Variants in USP6 observed in about 807,000 individuals in gnomAD.
USP6 encodes the protein ubiquitin carboxyl-terminal hydrolase 6.
USP6 carries 128 observed loss-of-function variants against 175.7 expected under a neutral mutation model. The observed-to-expected ratio is 0.73, with a 90% CI of 0.63 to 0.84. The LOEUF (loss-of-function observed/expected upper bound fraction) is 0.84, where lower values mean the gene tolerates loss of function less well. USP6 is among the 40% of genes least tolerant of loss of function. The probability of loss-of-function intolerance (pLI) is 0.00; values close to 1 mark genes in which losing one functional copy is unlikely to be tolerated. For synonymous variants in USP6, 562 were observed against 630.6 expected, an observed-to-expected ratio of 0.89 and a Z score of 1.63; for missense variants, 1,498 against 1,760.3, an observed-to-expected ratio of 0.85 and a Z score of 2.67.
At chr17:5,154,720 T>TTC (rs887791536) in intron 30 of USP6, among the ~76,000 whole-genome samples, 2 of 108,298 alleles carry the variant, frequency 1.8e-5, no homozygotes, top group African/African-American at 5.5e-5. Flanking sequence ...TCTTTTTTTT[T>TTC]TTCCCCCCAC....
At chr17:5,123,900 C>G (rs555902764) in intron 4 of USP6, among the ~76,000 whole-genome samples, 1 of 148,520 alleles carries the variant, frequency 6.7e-6, no homozygotes, top group East Asian at 2.0e-4. Flanking sequence ...CAAGCACGCA[C>G]GTGCGCACAC....
chr17:5,164,431 A>C (rs563977788), intron 33 of USP6, among the ~76,000 whole-genome samples: 70 of 152,364 alleles, frequency 4.6e-4, no homozygotes, highest in African/African-American at 1.6e-3. Context: ...AGGAGGGAAA[A>C]TTTTACGAGT....
chr17:5,135,997 T>C (rs1296187704), intron 17 of USP6, 69 bp downstream of exon 17: 1 of 1,594,852 alleles, frequency 6.3e-7, no homozygotes, highest in African/African-American at 1.3e-5. Context: ...CCAGGTGATC[T>C]CGGCTTTCAG....
At chr17:5,161,173 G>T (rs1476089299) in intron 31 of USP6, among the ~76,000 whole-genome samples, 1 of 152,222 alleles carries the variant, frequency 6.6e-6, no homozygotes. Flanking sequence ...GTCATGGAAA[G>T]ATCTAATTAT....
chr17:5,157,601 T>C (rs1050117379), intron 31 of USP6, among the ~76,000 whole-genome samples: 1 of 152,022 alleles, frequency 6.6e-6, no homozygotes, highest in African/African-American at 2.4e-5. Flanking sequence ...ATGTGGAGTA[T>C]AGGGAAAGAG....
chr17:5,148,723 G>A lies in USP6; in HGVS notation c.2599G>A (p.Asp867Asn), dbSNP rs764710288. The change falls in exon 30 of 38, where the codon GAC becomes AAC. Residue 867 changes from aspartate (D) to asparagine (N), a missense_variant. Asp to Asn is a conservative substitution (Grantham distance 23, BLOSUM62 1). Transcript: ENST00000574788. Reference protein sequence around the residue: ...MVNGHMPSLPDSPFTGYIIAV... With the variant: ...MVNGHMPSLPNSPFTGYIIAV... The stretch of plus-strand genomic sequence containing the variant: ...TAATGGTCACATGCCATCTCTTCCT[G>A]ACAGCCCCTTTACAGGTTACATCAT... The A allele has an allele frequency of 2.5e-6, 4 of 1,613,706 alleles. No homozygotes were observed. Among genetic ancestry groups the A allele is most frequent in the African/African-American group, 1.3e-5 (1 of 74,886 alleles).
chr17:5,143,268 T>C lies in USP6; in HGVS notation c.1818+766T>C, dbSNP rs2073505289. ...TCTGGGAGGTGTACCCAACAGCTCA[T>C]TGAGAACGGGCCATGACGACAATGG... On this transcript the variant is annotated intron_variant, in intron 25 of 37. Transcript: ENST00000574788. 3.3e-5 allele frequency among the ~76,000 whole-genome samples: 5 copies of C among 152,092 alleles called. No individual in the cohort carries two copies. The South Asian group carries it at 8.3e-4, about 25-fold the overall frequency.
intron 33 of USP6, among the ~76,000 whole-genome samples, chr17:5,164,136 G>T (rs2074056631): frequency 6.6e-6 from 1 of 152,178 alleles, no homozygotes; most frequent in Non-Finnish European, 1.5e-5. Flanking sequence ...GCTCTTGATA[G>T]TTGGAAATTT....
chr17:5,127,375 G>A (rs1357121901), intron 6 of USP6, 129 bp from the exon 7 acceptor site: 1 of 152,244 alleles, frequency 6.6e-6, no homozygotes, highest in African/African-American at 2.4e-5. Context: ...TCCTCACCCC[G>A]AGGCTGCCTA....
intron 9 of USP6, 47 bp from the exon 10 acceptor site, chr17:5,130,320 C>A (rs756012109): frequency 6.2e-7 from 1 of 1,602,698 alleles, no homozygotes; most frequent in Non-Finnish European, 8.5e-7. Flanking sequence ...AGGTGTTCTC[C>A]GAAGCTGTCG....
intron 24 of USP6, 118 bp from the exon 25 acceptor site, chr17:5,142,279 A>T: frequency 1.9e-6 from 3 of 1,541,010 alleles, no homozygotes; most frequent in East Asian, 4.5e-5. Flanking sequence ...TAGGCCAAGG[A>T]ATACATCTCT....
At chr17:5,117,578 A>G (rs534231561) in intron 1 of USP6, among the ~76,000 whole-genome samples, 3 of 151,980 alleles carry the variant, frequency 2.0e-5, no homozygotes, top group Non-Finnish European at 4.4e-5. Flanking sequence ...GGGTCGCATC[A>G]GAATATATAT....
intron 29 of USP6, 67 bp from the exon 30 acceptor site, chr17:5,148,489 C>A (rs1183414167): frequency 6.4e-7 from 1 of 1,552,572 alleles, no homozygotes; most frequent in African/African-American, 1.4e-5. Context: ...CCTCAGGATA[C>A]TTGAGAAAAG....
At chr17:5,124,306 C>T (rs570179972) in intron 4 of USP6, among the ~76,000 whole-genome samples, 4 of 152,272 alleles carry the variant, frequency 2.6e-5, no homozygotes, top group East Asian at 3.9e-4. Flanking sequence ...GTACCACCCC[C>T]CACCCAACCA....
Position 5,139,996 on chromosome 17 carries a change from T to C in USP6, c.1498+322T>C, listed in dbSNP as rs540487161. ...AAGAAAGCGTGCAGCTTGAAAGACA[T>C]GCACAGATGGAACACACCAGCCCCC... On this transcript the variant is annotated intron_variant, in intron 22 of 37. Coordinates refer to ENST00000574788, the MANE Select transcript of USP6 (RefSeq NM_001304284.2). 1.8e-4 allele frequency among the ~76,000 whole-genome samples: 28 copies of C among 152,166 alleles called. 1 individual carries two copies. Among genetic ancestry groups the C allele is most frequent in the Admixed American group, 9.1e-4 (14 of 15,304 alleles).
chr17:5,125,672 GCACATGCACA>G (rs2072866676), intron 5 of USP6, 139 bp from the exon 6 acceptor site: 1 of 24,300 alleles, frequency 4.1e-5, no homozygotes, highest in South Asian at 5.9e-4. Flanking sequence ...GCACACACAC[GCACATGCACA>G]CACACACACA....
rs780595104 is a variant in USP6, at chr17:5,170,522, C to T, written c.3561C>T (p.Ser1187=). 1.2e-6 allele frequency: 2 copies of T among 1,611,446 alleles called. No individual in the cohort carries two copies. The highest frequency in any genetic ancestry group is 1.7e-5 in the Admixed American group (1 of 59,918). Residue 1187 remains serine, a synonymous_variant, in exon 36 of 38, where the codon TCC becomes TCT. Transcript: ENST00000574788. The part of the protein sequence containing the change: ...SSRKSGTSCP[S]SKNSSPNSSP... ...GAAAAAGTGGAACCAGCTGTCCCTC[C>T]AGCAAAAACAGCAGCCCTAATAGCA...
chr17:5,129,129 G>C lies in USP6; in HGVS notation c.-160G>C, dbSNP rs1046288179. The C allele has an allele frequency of 6.6e-6, 1 of 152,402 alleles. No homozygotes were observed. Among genetic ancestry groups the C allele is most frequent in the Non-Finnish European group, 1.5e-5 (1 of 68,072 alleles). The allele number at this position is 152,402 out of a possible 1,614,324, so 9.4% of individuals were successfully genotyped here. A position where few individuals can be genotyped will look rare whatever the true frequency, so the allele number is the denominator to read the frequency against. On this transcript the variant is annotated 5_prime_UTR_variant, in exon 8 of 38. Transcript: ENST00000574788. ...GTGCTGTTCCCGAATGTACCCATTC[G>C]ACAGGTGAGCCGTCTGGGGTCAGAG...
At chr17:5,149,585 A>G (rs937359070) in intron 30 of USP6, among the ~76,000 whole-genome samples, 1 of 152,146 alleles carries the variant, frequency 6.6e-6, no homozygotes, top group African/African-American at 2.4e-5. Context: ...AGAAAAAAAC[A>G]AAAACCAACA....
Sources: gnomAD v4.1 joint callset for allele counts (sites outside exome capture counted in the v4.1 genomes callset) on GRCh38, gnomAD v4.1.1 for gene constraint, MANE v1.5 for transcripts, NCBI Gene and HGNC (gene_info 2026-07-23, HGNC 2026-07-21) for gene names.